WDR62: variants seen among roughly 807,000 people sequenced by gnomAD.
WDR62 encodes the protein WD repeat-containing protein 62.
WDR62 carries 112 observed loss-of-function variants against 160.6 expected under a neutral mutation model. That is an observed-to-expected ratio of 0.70 (90% CI 0.60 to 0.82). The LOEUF (loss-of-function observed/expected upper bound fraction) is 0.82. Among genes scored for constraint, WDR62 ranks in the 40% least tolerant of loss-of-function variants. The pLI is 0.00. For missense variants in WDR62, 1,819 were observed against 1,983.8 expected, an observed-to-expected ratio of 0.92 and a Z score of 1.58; for synonymous variants, 792 against 815.1, an observed-to-expected ratio of 0.97 and a Z score of 0.48.
At chr19:36,064,559 G>A (rs1043974056) in intron 3 of WDR62, among the ~76,000 whole-genome samples, 21 of 151,646 alleles carry the variant, frequency 1.4e-4, no homozygotes, top group Non-Finnish European at 2.2e-4. Flanking sequence ...GATTACAGGC[G>A]TGAGCCACCG....
In WDR62 at chr19:36,081,490, T is replaced by C. The variant is rs1337032130; in HGVS notation, c.1291T>C (p.Cys431Arg). ...TTTGCCATCAGGATCCTTTCTGACTTGTTCTTCAGACAACACCATTCGCTT... is the reference window on the plus strand; with the variant it reads ...TTTGCCATCAGGATCCTTTCTGACTCGTTCTTCAGACAACACCATTCGCTT... Reference protein sequence around the residue: ...ACLPSGSFLTCSSDNTIRFWN... With the variant: ...ACLPSGSFLTRSSDNTIRFWN... Residue 431 changes from cysteine (C) to arginine (R), a missense_variant, in exon 10 of 32, where the codon TGT (cysteine) becomes CGT (arginine). By Grantham distance (180) the Cys-to-Arg change is radical. Coordinates refer to ENST00000401500, the MANE Select transcript of WDR62 (RefSeq NM_001083961.2). The C allele has an allele frequency of 6.2e-7, 1 of 1,614,106 alleles. No homozygotes were observed. The highest frequency in any genetic ancestry group is 1.3e-5 in the African/African-American group (1 of 74,928).
intron 11 of WDR62, among the ~76,000 whole-genome samples, 158 bp downstream of exon 11, chr19:36,083,399 A>G (rs1972019274): frequency 6.6e-6 from 1 of 152,206 alleles, no homozygotes. Context: ...TGGGAACTTA[A>G]GCTCGTAAGA....
intron 3 of WDR62, 122 bp downstream of exon 3, chr19:36,060,152 A>C: frequency 3.8e-6 from 4 of 1,043,110 alleles, no homozygotes; most frequent in Non-Finnish European, 5.9e-6. Flanking sequence ...ATGTTGGCTC[A>C]GCAGCATTCG....
intron 3 of WDR62, among the ~76,000 whole-genome samples, chr19:36,064,128 G>A (rs774303590): frequency 7.2e-5 from 11 of 152,196 alleles, no homozygotes; most frequent in Non-Finnish European, 1.5e-4. Context: ...CAGGCACAAG[G>A]TCAGGGCATG....
chr19:36,056,772 CT>C (rs1346162381), intron 1 of WDR62, among the ~76,000 whole-genome samples: 2 of 151,874 alleles, frequency 1.3e-5, no homozygotes, highest in Non-Finnish European at 2.9e-5. Flanking sequence ...AACTTTAGTC[CT>C]GTTCTTCCTG....
downstream of WDR62, among the ~76,000 whole-genome samples, chr19:36,106,870 ACT>A (rs952525161): frequency 2.0e-5 from 3 of 151,892 alleles, no homozygotes; most frequent in Non-Finnish European, 4.4e-5. Flanking sequence ...ATTTCTCACG[ACT>A]CTGCCTCAGG....
At chr19:36,059,836 G>C in intron 2 of WDR62, 132 bp from the exon 3 acceptor site, 1 of 884,492 alleles carries the variant, frequency 1.1e-6, no homozygotes, top group South Asian at 1.3e-5. Flanking sequence ...ACACCTGGAG[G>C]AGGGGGAGGA....
intron 3 of WDR62, chr19:36,060,304 T>C (rs1970581885): frequency 2.0e-6 from 1 of 499,006 alleles, no homozygotes; most frequent in Non-Finnish European, 3.6e-6. Flanking sequence ...GAGGAAATGA[T>C]GGAGGATGTC....
In WDR62 at chr19:36,103,508, G is replaced by C. The variant is rs745332255; in HGVS notation, c.3680G>C (p.Arg1227Thr). The change falls in exon 30 of 32, where the codon AGG becomes ACG. Residue 1227 changes from arginine to threonine, a missense_variant. Around this residue, in one of 3 missense-constraint regions of WDR62, gnomAD observed 770 missense variants for 734.2 expected, o/e 1.05. Transcript: ENST00000401500. ...YMEATASSRA[R>T]ISRSISLGDS... The stretch of plus-strand genomic sequence containing the variant: ...GAGGCCACTGCCAGCTCCCGTGCCA[G>C]GATATCACGCAGCATCTCCCTCGGT... 7.4e-6 allele frequency: 12 copies of C among 1,614,026 alleles called. No homozygotes were observed. The highest frequency in any genetic ancestry group is 1.0e-5 in the Non-Finnish European group (12 of 1,180,046).
Position 36,103,879 on chromosome 19 carries a change from CCT to C in WDR62, c.4052_4053del (p.Pro1351ArgfsTer11). The stretch of plus-strand genomic sequence containing the variant: ...TGCCTTTCGCCCAAGTCTCCCAGCT[CCT>C]GAGTCCCCTGGCCTTCCTGCCCACC... Reference protein sequence around the residue: ...GSAFRPSLPAPESPGLPAHPS... With the variant: ...GSAFRPSLPAXESPGLPAHPS... On this transcript the variant is annotated frameshift_variant, in exon 30 of 32. Transcript: ENST00000401500. LOFTEE classifies it high-confidence loss of function. The C allele has an allele frequency of 6.2e-7, 1 of 1,600,892 alleles. No individual in the cohort carries two copies. Among genetic ancestry groups the C allele is most frequent in the Non-Finnish European group, 8.5e-7 (1 of 1,179,916 alleles).
chr19:36,081,775 C>T (rs911745283), intron 10 of WDR62: 2 of 713,042 alleles, frequency 2.8e-6, no homozygotes, highest in Non-Finnish European at 5.0e-6. Context: ...ACGCTCTATC[C>T]TCTCTGATTC....
At chr19:36,092,450 C>T (rs1482789777) in intron 18 of WDR62, among the ~76,000 whole-genome samples, 2 of 152,234 alleles carry the variant, frequency 1.3e-5, no homozygotes, top group African/African-American at 2.4e-5. Context: ...CAGCCCCCTT[C>T]CTCAGGTCTT....
intron 9 of WDR62, 27 bp downstream of exon 9, chr19:36,073,558 C>A: frequency 6.6e-7 from 1 of 1,524,644 alleles, no homozygotes; most frequent in Non-Finnish European, 9.0e-7. Context: ...CCCCCTTGCC[C>A]CTGCTTGGCC....
Position 36,104,761 on chromosome 19 carries a change from C to T in WDR62, c.4312-7C>T, listed in dbSNP as rs1178044967. 2.5e-6 allele frequency: 4 copies of T among 1,613,786 alleles called. No individual in the cohort carries two copies. The highest frequency in any genetic ancestry group is 2.7e-5 in the African/African-American group (2 of 75,080). On this transcript the variant is annotated splice_region_variant and splice_polypyrimidine_tract_variant and intron_variant, in intron 31 of 31. Coordinates refer to ENST00000401500, the MANE Select transcript of WDR62 (RefSeq NM_001083961.2). ...GTGGCCCCTGACAAGGCTGGCATCC[C>T]TTGCAGTTGGTCTCCAGTGGCCAGG... is the stretch of plus-strand genomic sequence containing the variant.
At position 36,054,903 on chromosome 19, in the gene WDR62, C is replaced by T; in HGVS notation, c.-69C>T. On this transcript the variant is annotated 5_prime_UTR_variant, in exon 1 of 32. Coordinates refer to ENST00000401500, the MANE Select transcript of WDR62 (RefSeq NM_001083961.2). ...GGCTTTCCCGCGGCTGTTCGCTGTT[C>T]CAGTGGGTCGTGGCGGTGGCGGCAG... The T allele has an allele frequency of 6.5e-7, 1 of 1,534,324 alleles. No homozygotes were observed. The highest frequency in any genetic ancestry group is 8.8e-7 in the Non-Finnish European group (1 of 1,139,668).
chr19:36,107,040 G>A (rs1973729475), downstream of WDR62, among the ~76,000 whole-genome samples: 1 of 152,166 alleles, frequency 6.6e-6, no homozygotes, highest in African/African-American at 2.4e-5. Context: ...TTGGGCCTCT[G>A]TCATGCATGG....
At chr19:36,059,820 G>C in intron 2 of WDR62, 148 bp from the exon 3 acceptor site, 1 of 806,966 alleles carries the variant, frequency 1.2e-6, no homozygotes, top group Admixed American at 1.9e-5. Context: ...AGAATTCTCA[G>C]CGTAAACACC....
At chr19:36,057,521 C>CTT (rs34412614) in intron 1 of WDR62, among the ~76,000 whole-genome samples, 89 of 146,942 alleles carry the variant, frequency 6.1e-4, no homozygotes, top group Admixed American at 7.4e-4. Flanking sequence ...TGTTTTGTTC[C>CTT]TTTTTTTTTT....
intron 15 of WDR62, among the ~76,000 whole-genome samples, 181 bp from the exon 16 acceptor site, chr19:36,090,264 A>G (rs1455865934): frequency 1.3e-5 from 2 of 151,872 alleles, no homozygotes; most frequent in Non-Finnish European, 2.9e-5. Context: ...ATGAACATTA[A>G]CTCAGTGGAT....
Sources: gnomAD v4.1 joint callset for allele counts (sites outside exome capture counted in the v4.1 genomes callset) on GRCh38, gnomAD v4.1.1 for gene constraint, gnomAD v4.1.1 regional missense constraint, MANE v1.5 for transcripts, NCBI Gene and HGNC (gene_info 2026-07-23, HGNC 2026-07-21) for gene names.